SENP2: variants seen among roughly 807,000 people sequenced by gnomAD.
The protein encoded by SENP2 is sentrin-specific protease 2.
A neutral mutation model predicts 86.3 loss-of-function variants in SENP2; 16 were observed. The observed-to-expected ratio is 0.19, with a 90% CI of 0.13 to 0.28. SENP2 has a LOEUF of 0.28. Ranked by LOEUF, SENP2 falls within the 10% of genes least tolerant of loss-of-function variation. The pLI is 1.00. For synonymous variants in SENP2, 222 were observed against 238.7 expected (o/e 0.93, Z 0.64); for missense variants, 552 against 703.0 (o/e 0.79, Z 2.43).
intron 16 of SENP2, among the ~76,000 whole-genome samples, chr3:185,629,208 T>C (rs867387979): frequency 3.3e-5 from 5 of 152,240 alleles, no homozygotes; most frequent in Admixed American, 6.5e-5. Context: ...ACGTGGATAT[T>C]TGCAGGACTG....
At chr3:185,601,934 G>A (rs1017118444) in intron 5 of SENP2, among the ~76,000 whole-genome samples, 3 of 152,180 alleles carry the variant, frequency 2.0e-5, no homozygotes, top group East Asian at 3.9e-4. Context: ...CACTGCGTGC[G>A]GCCTTCTTGC....
At chr3:185,611,066 A>G (rs2148989410) in intron 7 of SENP2, among the ~76,000 whole-genome samples, 1 of 152,356 alleles carries the variant, frequency 6.6e-6, no homozygotes, top group African/African-American at 2.4e-5. Flanking sequence ...ACTGGAGGTC[A>G]GGACTTCGAG....
At chr3:185,616,633 G>T (rs1355314005) in intron 11 of SENP2, among the ~76,000 whole-genome samples, 1 of 152,020 alleles carries the variant, frequency 6.6e-6, no homozygotes, top group Non-Finnish European at 1.5e-5. Context: ...AAATTAGCCG[G>T]GCGTGGTGGC....
intron 12 of SENP2, among the ~76,000 whole-genome samples, chr3:185,618,243 C>T (rs1338305381): frequency 6.6e-6 from 1 of 152,128 alleles, no homozygotes; most frequent in Non-Finnish European, 1.5e-5. Flanking sequence ...CGTGCCTGGC[C>T]TGTTTTATTT....
chr3:185,593,579 GTTAT>G (rs1030838168), intron 2 of SENP2, among the ~76,000 whole-genome samples: 4 of 152,252 alleles, frequency 2.6e-5, no homozygotes, highest in Admixed American at 2.6e-4. Flanking sequence ...ATCCTTTTCA[GTTAT>G]TTATTTGAGG....
In SENP2 at chr3:185,633,129, A is replaced by G. The variant is rs1255362266; in HGVS notation, c.*3285A>G. 2 of 152,226 alleles carry G rather than the reference A, an allele frequency of 1.3e-5. No homozygotes were observed. The highest frequency in any genetic ancestry group is 4.8e-5 in the African/African-American group (2 of 41,434). The allele number at this position is 152,226 out of a possible 1,614,324, so 9.4% of individuals were successfully genotyped here. On this transcript the variant is annotated 3_prime_UTR_variant, in exon 17 of 17. Coordinates refer to ENST00000296257, the MANE Select transcript of SENP2 (RefSeq NM_021627.3). ...ACAACTTCAGAAAACCATGTCTGATAGCGGATGTCTTCCTGCTGTGAGGAG... is the reference window on the plus strand; with the variant it reads ...ACAACTTCAGAAAACCATGTCTGATGGCGGATGTCTTCCTGCTGTGAGGAG...
chr3:185,607,410 C>T (rs1000296297), intron 6 of SENP2, among the ~76,000 whole-genome samples: 4 of 147,400 alleles, frequency 2.7e-5, no homozygotes, highest in African/African-American at 1.0e-4. Flanking sequence ...CTCACTGCAG[C>T]CTCCACCTGC....
At chr3:185,627,496 TCTGCCTTCTGGGTTCAAGCAATACTC>T (rs1468600345) in intron 16 of SENP2, among the ~76,000 whole-genome samples, 1 of 152,174 alleles carries the variant, frequency 6.6e-6, no homozygotes, top group Admixed American at 6.5e-5. Flanking sequence ...CACTACAACC[TCTGCCTTCTGGGTTCAAGCAATACTC>T]CTGCCTCAGC....
At chr3:185,603,265 A>G (rs1376330476) in intron 5 of SENP2, among the ~76,000 whole-genome samples, 1 of 152,192 alleles carries the variant, frequency 6.6e-6, no homozygotes, top group African/African-American at 2.4e-5. Flanking sequence ...CACGACTGAC[A>G]CCACCTTAAC....
intron 14 of SENP2, 42 bp downstream of exon 14, chr3:185,621,947 ATCTC>A: frequency 7.6e-7 from 1 of 1,307,476 alleles, no homozygotes; most frequent in Non-Finnish European, 1.1e-6. Flanking sequence ...TGTTGAGGTG[ATCTC>A]TCTTTTATCT....
chr3:185,611,712 G>A lies in SENP2; in HGVS notation c.784G>A (p.Gly262Arg), dbSNP rs765380891. ...AGGCTGGGGGGAAGAGCAAAATCAC[G>A]GAGTCAAAACAACTCAGTTTGTTCC... Reference protein sequence around the residue: ...TKGWGEEQNHGVKTTQFVPKQ... With the variant: ...TKGWGEEQNHRVKTTQFVPKQ... The change falls in exon 8 of 17, where the codon GGA becomes AGA. Residue 262 changes from glycine to arginine, a missense_variant. Coordinates refer to ENST00000296257, the MANE Select transcript of SENP2 (RefSeq NM_021627.3). 11 of 1,613,456 alleles carry A rather than the reference G, an allele frequency of 6.8e-6. No individual in the cohort carries two copies. Among genetic ancestry groups the A allele is most frequent in the Admixed American group, 1.7e-5 (1 of 59,994 alleles).
intron 2 of SENP2, among the ~76,000 whole-genome samples, chr3:185,596,825 C>G (rs4687533): frequency 6.6e-6 from 1 of 151,744 alleles, no homozygotes; most frequent in African/African-American, 2.4e-5. Context: ...CATGCCCTCA[C>G]CTCTGTGGTA....
intron 13 of SENP2, among the ~76,000 whole-genome samples, chr3:185,619,725 T>C (rs1711769007): frequency 6.6e-6 from 1 of 151,940 alleles, no homozygotes; most frequent in South Asian, 2.1e-4. Flanking sequence ...GTTTATTTTA[T>C]TTTACTATTT....
Position 185,590,140 on chromosome 3 carries a change from A to C in SENP2, c.128A>C (p.Asp43Ala). The change falls in exon 2 of 17, where the codon GAT becomes GCT. Residue 43 changes from aspartate (D) to alanine (A), a missense_variant. Asp to Ala is a moderately radical substitution (Grantham distance 126). Coordinates refer to ENST00000296257, the MANE Select transcript of SENP2 (RefSeq NM_021627.3). ...DSTLFSTVDT[D>A]EIPAKRPRLD... ...ACTCTGTTTTCTACAGTGGACACTG[A>C]TGAAATACCAGCCAAAAGACCAAGA... 2 of 1,553,074 alleles carry C rather than the reference A, an allele frequency of 1.3e-6. No homozygotes were observed. The highest frequency in any genetic ancestry group is 2.6e-5 in the South Asian group (2 of 78,338).
At chr3:185,600,030 C>T (rs555698575) in intron 4 of SENP2, among the ~76,000 whole-genome samples, 18 of 152,270 alleles carry the variant, frequency 1.2e-4, no homozygotes, top group African/African-American at 4.1e-4. Context: ...CTCCCGACCT[C>T]AGGTGATCCG....
chr3:185,622,566 GTTGT>G (rs1011279933), intron 14 of SENP2, among the ~76,000 whole-genome samples: 6 of 151,936 alleles, frequency 3.9e-5, no homozygotes, highest in African/African-American at 1.4e-4. Flanking sequence ...TTTATTTATG[GTTGT>G]TTATCTTGAA....
chr3:185,586,570 G>T lies in SENP2; in HGVS notation c.101+56G>T. ...GGCCTTACCCCCTCCCCCACAGCGG[G>T]CTCCTCGGCCGTGATAGCTTTGATT... On this transcript the variant is annotated intron_variant, in intron 1 of 16. Transcript: ENST00000296257. The surrounding 1 kb of genome is among the most constrained non-coding windows in gnomAD (Gnocchi z 4.3). 6.6e-7 allele frequency: 1 copy of T among 1,526,130 alleles called. No homozygotes were observed. 94.5% of individuals were successfully genotyped at this position (1,526,130 alleles called of 1,614,324 possible). A position where few individuals can be genotyped will look rare whatever the true frequency, so the allele number is the denominator to read the frequency against.
intron 2 of SENP2, among the ~76,000 whole-genome samples, chr3:185,596,884 C>T (rs568228347): frequency 6.6e-6 from 1 of 152,240 alleles, no homozygotes; most frequent in Non-Finnish European, 1.5e-5. Context: ...GACGGAGTCT[C>T]ATTCTGTCAT....
intron 10 of SENP2, among the ~76,000 whole-genome samples, chr3:185,614,146 A>G (rs1317671273): frequency 6.6e-6 from 1 of 152,210 alleles, no homozygotes; most frequent in African/African-American, 2.4e-5. Context: ...ATATCAAATG[A>G]CTTTTTTCAA....
Sources: gnomAD v4.1 joint callset for allele counts (sites outside exome capture counted in the v4.1 genomes callset) on GRCh38, gnomAD v4.1.1 for gene constraint, Gnocchi (gnomAD v3.1) non-coding constraint, MANE v1.5 for transcripts, NCBI Gene and HGNC (gene_info 2026-07-23, HGNC 2026-07-21) for gene names.